The following MBNL1 variants were observed in gnomAD, a reference collection of about 807,000 sequenced individuals.
MBNL1 encodes the protein muscleblind like splicing regulator 1.
In MBNL1, 8 loss-of-function variants were observed where a neutral mutation model predicts 42.2. That is an observed-to-expected ratio of 0.19 (90% CI 0.11 to 0.34). The LOEUF is 0.34. MBNL1 is among the 10% of genes least tolerant of loss of function. The pLI, the probability that MBNL1 is intolerant of heterozygous loss-of-function variation, is 1.00. For synonymous variants in MBNL1, 169 were observed against 173.9 expected, an observed-to-expected ratio of 0.97 and a Z score of 0.22; for missense variants, 309 against 495.3, an observed-to-expected ratio of 0.62 and a Z score of 3.57.
At chr3:152,391,385 G>T (rs1417834068) in intron 2 of MBNL1, among the ~76,000 whole-genome samples, 2 of 152,318 alleles carry the variant, frequency 1.3e-5, no homozygotes, top group East Asian at 3.9e-4. Context: ...TTAAACTTCT[G>T]TTCACAGATT....
At chr3:152,370,951 A>G (rs2096634468) in intron 2 of MBNL1, among the ~76,000 whole-genome samples, 1 of 151,546 alleles carries the variant, frequency 6.6e-6, no homozygotes, top group Non-Finnish European at 1.5e-5. Context: ...CTCTTTATTC[A>G]ATTTGCCAGT....
At chr3:152,272,589 C>G (rs2042544023) in intron 1 of MBNL1, among the ~76,000 whole-genome samples, 1 of 151,404 alleles carries the variant, frequency 6.6e-6, no homozygotes, top group Admixed American at 6.6e-5. Context: ...AAAAAAAAAC[C>G]CATATCCAAA....
chr3:152,303,033 AAAAT>A (rs1425290530), intron 2 of MBNL1, among the ~76,000 whole-genome samples: 1 of 152,128 alleles, frequency 6.6e-6, no homozygotes, highest in Non-Finnish European at 1.5e-5. Context: ...AAAAAAAAAA[AAAAT>A]AAGTCAAACA....
At chr3:152,255,284 AAT>A (rs2035292531) in intron 2 of MBNL1, among the ~76,000 whole-genome samples, 1 of 152,172 alleles carries the variant, frequency 6.6e-6, no homozygotes, top group Non-Finnish European at 1.5e-5. Flanking sequence ...AAGTTGTGAT[AAT>A]AAATTTTCAG....
At chr3:152,408,064 T>C (rs1347187010) in intron 2 of MBNL1, among the ~76,000 whole-genome samples, 1 of 152,136 alleles carries the variant, frequency 6.6e-6, no homozygotes, top group Non-Finnish European at 1.5e-5. Context: ...GATGGATTGA[T>C]AGGTGCGGCA....
At chr3:152,451,703 A>G (rs1580761990) in intron 6 of MBNL1, among the ~76,000 whole-genome samples, 1 of 152,224 alleles carries the variant, frequency 6.6e-6, no homozygotes, top group Non-Finnish European at 1.5e-5. Flanking sequence ...TCCAAACGCT[A>G]CAATTCCCTA....
At chr3:152,435,144 G>A (rs1257988124) in intron 4 of MBNL1, among the ~76,000 whole-genome samples, 1 of 151,936 alleles carries the variant, frequency 6.6e-6, no homozygotes, top group Non-Finnish European at 1.5e-5. Context: ...TATTTCCTAG[G>A]TTATCTTCCA....
chr3:152,395,513 T>C (rs1004165156), intron 2 of MBNL1, among the ~76,000 whole-genome samples: 1 of 152,208 alleles, frequency 6.6e-6, no homozygotes, highest in African/African-American at 2.4e-5. Context: ...GCAGCTGTTT[T>C]GTCTTGGATT....
At chr3:152,303,274 G>A (rs1467239701) in intron 2 of MBNL1, among the ~76,000 whole-genome samples, 3 of 152,130 alleles carry the variant, frequency 2.0e-5, no homozygotes, top group African/African-American at 4.8e-5. Flanking sequence ...AAGAATGTCA[G>A]AATTAGAACG....
At chr3:152,309,304 A>G (rs1428021444) in intron 2 of MBNL1, among the ~76,000 whole-genome samples, 1 of 152,178 alleles carries the variant, frequency 6.6e-6, no homozygotes, top group East Asian at 1.9e-4. Context: ...CCTGTATTTT[A>G]ACCCTAGATC....
chr3:152,363,156 A>G (rs554482572), intron 2 of MBNL1, among the ~76,000 whole-genome samples: 1 of 152,310 alleles, frequency 6.6e-6, no homozygotes, highest in African/African-American at 2.4e-5. Flanking sequence ...GGTTTGCAAT[A>G]TTGGAATTAT....
chr3:152,412,375 A>C (rs2098601707), intron 2 of MBNL1, among the ~76,000 whole-genome samples: 1 of 152,052 alleles, frequency 6.6e-6, no homozygotes, highest in Non-Finnish European at 1.5e-5. Context: ...GCTTGTTAAA[A>C]TGTTAATTTC....
chr3:152,278,456 T>A (rs2046528310), intron 1 of MBNL1, among the ~76,000 whole-genome samples: 1 of 152,030 alleles, frequency 6.6e-6, no homozygotes, highest in African/African-American at 2.4e-5. Flanking sequence ...AATAGAAAAA[T>A]ATATATTTTT....
intron 1 of MBNL1, among the ~76,000 whole-genome samples, chr3:152,293,716 A>G (rs960693632): frequency 2.0e-5 from 3 of 152,206 alleles, no homozygotes; most frequent in African/African-American, 7.2e-5. Flanking sequence ...AAAGCATATT[A>G]AATAAAATTC....
intron 1 of MBNL1, among the ~76,000 whole-genome samples, chr3:152,287,107 A>G (rs1257804559): frequency 6.6e-6 from 1 of 151,542 alleles, no homozygotes; most frequent in Non-Finnish European, 1.5e-5. Context: ...AGTCCCAGCT[A>G]CTCAGGAGGC....
At chr3:152,285,899 T>C (rs1378724269) in intron 1 of MBNL1, among the ~76,000 whole-genome samples, 5 of 151,854 alleles carry the variant, frequency 3.3e-5, no homozygotes, top group African/African-American at 1.2e-4. Flanking sequence ...GCTGCGATTA[T>C]AGGTATGAGC....
chr3:152,434,445 A>C (rs533125649), intron 4 of MBNL1, among the ~76,000 whole-genome samples: 1 of 152,306 alleles, frequency 6.6e-6, no homozygotes, highest in Admixed American at 6.5e-5. Context: ...TTCTTTATCC[A>C]GGCTACTATT....
intron 3 of MBNL1, among the ~76,000 whole-genome samples, chr3:152,417,698 C>T (rs761861237): frequency 9.9e-5 from 15 of 151,904 alleles, no homozygotes; most frequent in Non-Finnish European, 2.2e-4. Context: ...AAGGAGTTTC[C>T]GAAACACCAG....
At chr3:152,290,951 A>G (rs912185638) in intron 1 of MBNL1, among the ~76,000 whole-genome samples, 1 of 152,128 alleles carries the variant, frequency 6.6e-6, no homozygotes, top group African/African-American at 2.4e-5. Flanking sequence ...TGATTTTTCT[A>G]CCATTTAGCT....
Sources: allele counts gnomAD v4.1 joint callset (sites outside exome capture counted in the v4.1 genomes callset), GRCh38; gene constraint gnomAD v4.1.1; transcripts MANE v1.5; gene names NCBI Gene and HGNC (gene_info 2026-07-23, HGNC 2026-07-21).